Variants in KDSR observed in about 807,000 individuals in gnomAD.
KDSR encodes the protein 3-dehydrosphinganine reductase.
In KDSR, 23 loss-of-function variants were observed where a neutral mutation model predicts 41.3. The observed-to-expected ratio is 0.56, with a 90% CI of 0.40 to 0.79. KDSR has a LOEUF of 0.79. Among genes scored for constraint, KDSR ranks in the 30% least tolerant of loss-of-function variants. The pLI is 0.00. For missense variants in KDSR, 351 were observed against 416.8 expected, an observed-to-expected ratio of 0.84 and a Z score of 1.37; for synonymous variants, 138 against 151.7, an observed-to-expected ratio of 0.91 and a Z score of 0.66.
chr18:63,342,982 C>T (rs1369574845), intron 7 of KDSR, among the ~76,000 whole-genome samples: 5 of 152,068 alleles, frequency 3.3e-5, no homozygotes, highest in Non-Finnish European at 7.4e-5. Flanking sequence ...GTGGCACCTC[C>T]CCTCTCTCTC....
intron 5 of KDSR, among the ~76,000 whole-genome samples, chr18:63,354,614 G>A (rs1309603600): frequency 6.6e-6 from 1 of 152,184 alleles, no homozygotes; most frequent in Non-Finnish European, 1.5e-5. Context: ...GTTGCAGTGA[G>A]CTGAGATCAC....
intron 1 of KDSR, among the ~76,000 whole-genome samples, chr18:63,364,846 G>A (rs760932060): frequency 1.2e-4 from 18 of 152,146 alleles, no homozygotes; most frequent in Non-Finnish European, 1.9e-4. Flanking sequence ...GTCAAAAAAC[G>A]AAAAGGTTTC....
At chr18:63,350,099 G>T (rs1016361871) in intron 6 of KDSR, among the ~76,000 whole-genome samples, 7 of 152,256 alleles carry the variant, frequency 4.6e-5, no homozygotes, top group Admixed American at 4.6e-4. Context: ...CGGATAAGAG[G>T]GGATGACTGT....
intron 8 of KDSR, among the ~76,000 whole-genome samples, chr18:63,337,219 G>A (rs1181248041): frequency 3.3e-5 from 5 of 151,198 alleles, no homozygotes; most frequent in African/African-American, 4.9e-5. Context: ...GGGTTCAAGC[G>A]ATTCTCCTGT....
chr18:63,340,078 G>A (rs560734519), intron 7 of KDSR, among the ~76,000 whole-genome samples: 3 of 151,938 alleles, frequency 2.0e-5, no homozygotes, highest in African/African-American at 4.8e-5. Flanking sequence ...GTACTATGGC[G>A]CCCCCTAAAG....
intron 8 of KDSR, among the ~76,000 whole-genome samples, chr18:63,338,176 C>A (rs1018589235): frequency 1.3e-5 from 2 of 152,226 alleles, no homozygotes; most frequent in Admixed American, 1.3e-4. Context: ...GCTGACACCT[C>A]TCATTCCAAT....
At chr18:63,352,660 G>C (rs1259332238) in intron 5 of KDSR, among the ~76,000 whole-genome samples, 1 of 152,092 alleles carries the variant, frequency 6.6e-6, no homozygotes, top group African/African-American at 2.4e-5. Context: ...GGGAGTGACA[G>C]GGAAAAATAT....
At position 63,335,308 on chromosome 18, in the gene KDSR, G is replaced by A; in HGVS notation, c.828C>T (p.Ala276=). ...SLGSDGYMLS[A]LTCGMAPVTS... ...TTACTGGAGCCATCCCACAGGTCAG[G>A]GCCGAGAGCATGTACCCATCTGAGC... The change falls in exon 9 of 10, where the codon GCC becomes GCT. Residue 276 remains alanine, a synonymous_variant. Coordinates refer to ENST00000645214, the MANE Select transcript of KDSR (RefSeq NM_002035.4). 1 of 1,614,004 alleles carries A rather than the reference G, an allele frequency of 6.2e-7. No homozygotes were observed. Among genetic ancestry groups the A allele is most frequent in the East Asian group, 2.2e-5 (1 of 44,878 alleles).
At chr18:63,360,836 A>C (rs1021406292) in intron 2 of KDSR, among the ~76,000 whole-genome samples, 12 of 149,194 alleles carry the variant, frequency 8.0e-5, no homozygotes, top group African/African-American at 2.7e-4. Flanking sequence ...GTGAGCCGAG[A>C]TTGTGTCACT....
At chr18:63,349,813 A>G (rs1000157005) in intron 6 of KDSR, among the ~76,000 whole-genome samples, 7 of 152,254 alleles carry the variant, frequency 4.6e-5, no homozygotes, top group African/African-American at 1.7e-4. Context: ...TTTTATTGGA[A>G]CACAGTGACA....
chr18:63,331,920 G>A lies in KDSR; in HGVS notation c.880-19C>T. ...TGACCACCTGCAAGATAAAGAGAGA[G>A]CTTTTAGTGCATCCAACGGTACAAG... On this transcript the variant is annotated intron_variant, in intron 9 of 9. Coordinates refer to ENST00000645214, the MANE Select transcript of KDSR (RefSeq NM_002035.4). 1 of 1,611,904 alleles carries A rather than the reference G, an allele frequency of 6.2e-7. No homozygotes were observed. Among genetic ancestry groups the A allele is most frequent in the South Asian group, 1.1e-5 (1 of 90,540 alleles).
chr18:63,343,861 G>A (rs1173331102), intron 7 of KDSR, among the ~76,000 whole-genome samples: 3 of 152,138 alleles, frequency 2.0e-5, no homozygotes, highest in African/African-American at 7.2e-5. Flanking sequence ...CTAAAACTGT[G>A]TGACATACTT....
chr18:63,331,847 C>T lies in KDSR; in HGVS notation c.934G>A (p.Asp312Asn). The change falls in exon 10 of 10, where the codon GAC (aspartate) becomes AAC (asparagine). Residue 312 changes from aspartate (D) to asparagine (N), a missense_variant. Asp to Asn is a conservative substitution (Grantham distance 23). Coordinates refer to ENST00000645214, the MANE Select transcript of KDSR (RefSeq NM_002035.4). ...TIALFYLGSF[D>N]SIVRRCMMQR... Reference sequence around the variant, plus strand: ...ATCATGCAGCGACGAACTATGCTGTCAAAACTTCCAAGGTAAAACAAAGCA... The same window carrying T: ...ATCATGCAGCGACGAACTATGCTGTTAAAACTTCCAAGGTAAAACAAAGCA... The T allele has an allele frequency of 6.2e-7, 1 of 1,613,890 alleles. No individual in the cohort carries two copies. Among genetic ancestry groups the T allele is most frequent in the Non-Finnish European group, 8.5e-7 (1 of 1,179,914 alleles).
At chr18:63,363,555 C>T (rs1915054679) in intron 1 of KDSR, among the ~76,000 whole-genome samples, 1 of 151,062 alleles carries the variant, frequency 6.6e-6, no homozygotes, top group South Asian at 2.1e-4. Flanking sequence ...ATGAACTCAT[C>T]ATTTTTTATG....
At chr18:63,342,620 T>TA (rs1232934789) in intron 7 of KDSR, among the ~76,000 whole-genome samples, 3 of 152,166 alleles carry the variant, frequency 2.0e-5, no homozygotes, top group Non-Finnish European at 4.4e-5. Flanking sequence ...CAAGTGTGCA[T>TA]AATATTAATA....
chr18:63,331,978 A>G (rs1461507096), intron 9 of KDSR, 77 bp from the exon 10 acceptor site: 5 of 1,451,292 alleles, frequency 3.4e-6, no homozygotes, highest in Non-Finnish European at 4.7e-6. Flanking sequence ...TCTAACAAAC[A>G]GTTTCTAAGA....
At chr18:63,354,892 A>C (rs1848830302) in intron 5 of KDSR, among the ~76,000 whole-genome samples, 1 of 152,182 alleles carries the variant, frequency 6.6e-6, no homozygotes, top group South Asian at 2.1e-4. Flanking sequence ...GGCATCTCTT[A>C]GGTTACAAAG....
intron 9 of KDSR, among the ~76,000 whole-genome samples, chr18:63,333,610 A>G (rs532524566): frequency 6.6e-6 from 1 of 152,344 alleles, no homozygotes; most frequent in Admixed American, 6.5e-5. Context: ...ACTGCCAGGT[A>G]AGAATGCAGA....
rs778818491 is a variant in KDSR at position 63,367,081 on chromosome 18, A to G, written c.38T>C (p.Val13Ala). The change falls in exon 1 of 10, where the codon GTG (valine) becomes GCG (alanine). Residue 13 changes from valine to alanine, a missense_variant. By Grantham distance (64) the Val-to-Ala change is moderately conservative. Transcript: ENST00000645214. ...LLAAAFLVAF[V>A]LLLYMVSPLI... is the part of the protein sequence containing the mutation. The stretch of plus-strand genomic sequence containing the variant: ...CGGAGACACCATGTACAGCAGCAGC[A>G]CGAAGGCCACGAGGAAGGCGGCAGC... 1.5e-6 allele frequency: 2 copies of G among 1,336,166 alleles called. No homozygotes were observed. Among genetic ancestry groups the G allele is most frequent in the South Asian group, 5.8e-5 (2 of 34,342 alleles). The allele number at this position is 1,336,166 out of a possible 1,614,324, so 82.8% of individuals were successfully genotyped here.
Sources: gnomAD v4.1 joint callset for allele counts (sites outside exome capture counted in the v4.1 genomes callset) on GRCh38, gnomAD v4.1.1 for gene constraint, MANE v1.5 for transcripts, NCBI Gene and HGNC (gene_info 2026-07-23, HGNC 2026-07-21) for gene names.